The following UBAP2 variants were observed in gnomAD, a reference collection of about 807,000 sequenced individuals.
The protein encoded by UBAP2 is ubiquitin-associated protein 2.
UBAP2 carries 75 observed loss-of-function variants against 139.6 expected under a neutral mutation model. The observed-to-expected ratio is 0.54, with a 90% CI of 0.45 to 0.65. The LOEUF (loss-of-function observed/expected upper bound fraction) is 0.65. UBAP2 is among the 30% of genes least tolerant of loss of function. The probability of loss-of-function intolerance (pLI) is 0.00; values close to 1 mark genes in which losing one functional copy is unlikely to be tolerated. For missense variants in UBAP2, 1,368 were observed against 1,369.6 expected, an observed-to-expected ratio of 1.00 and a Z score of 0.02; for synonymous variants, 526 against 526.2, an observed-to-expected ratio of 1.00 and a Z score of 0.01.
At chr9:34,027,861 CAA>C (rs57271542) in intron 1 of UBAP2, among the ~76,000 whole-genome samples, 148 of 129,686 alleles carry the variant, frequency 1.1e-3, no homozygotes, top group Admixed American at 1.1e-3. Flanking sequence ...GACTCCATCT[CAA>C]AAAAAAAAAA....
intron 1 of UBAP2, among the ~76,000 whole-genome samples, chr9:34,042,740 G>A (rs1391256587): frequency 6.6e-6 from 1 of 152,010 alleles, no homozygotes; most frequent in Non-Finnish European, 1.5e-5. Context: ...CCAGGTAGCA[G>A]TAATGTCCTA....
chr9:33,938,795 CA>C (rs10577457), intron 16 of UBAP2: 103,693 of 306,720 alleles, frequency 0.34, 7,164 homozygotes, highest in East Asian at 0.42. Context: ...GACTCCATCT[CA>C]AAAAAAAAAA....
At chr9:34,020,154 A>ATT (rs1824796779) in intron 1 of UBAP2, among the ~76,000 whole-genome samples, 10 of 150,940 alleles carry the variant, frequency 6.6e-5, no homozygotes, top group Non-Finnish European at 8.9e-5. Flanking sequence ...CATTATTAAA[A>ATT]AAAAAAAAAA....
At chr9:34,038,747 G>A (rs1350946728) in intron 1 of UBAP2, among the ~76,000 whole-genome samples, 10 of 148,074 alleles carry the variant, frequency 6.8e-5, no homozygotes, top group Admixed American at 2.7e-4. Flanking sequence ...GCCGCCCATC[G>A]TCTGGGATGT....
At chr9:33,992,293 C>A (rs1196367372) in intron 4 of UBAP2, among the ~76,000 whole-genome samples, 1 of 147,056 alleles carries the variant, frequency 6.8e-6, no homozygotes, top group East Asian at 2.0e-4. Context: ...GAGGCTGAGG[C>A]GGAAGAATCG....
At chr9:33,994,040 G>C (rs1049274933) in intron 4 of UBAP2, among the ~76,000 whole-genome samples, 2 of 151,874 alleles carry the variant, frequency 1.3e-5, no homozygotes, top group Non-Finnish European at 2.9e-5. Context: ...GATTGCAGGC[G>C]CCCACCACCA....
chr9:33,964,047 C>T (rs1435402670), intron 8 of UBAP2, among the ~76,000 whole-genome samples: 1 of 152,212 alleles, frequency 6.6e-6, no homozygotes, highest in African/African-American at 2.4e-5. Context: ...CCTTCTCACT[C>T]ATCAAAGAGA....
intron 12 of UBAP2, among the ~76,000 whole-genome samples, chr9:33,951,157 GA>G (rs146709448): frequency 0.12 from 17,853 of 151,862 alleles, 1,529 homozygotes; most frequent in East Asian, 0.46. Flanking sequence ...CAGTAGCTAT[GA>G]TTACAGGGCA....
chr9:33,946,936 T>G (rs1825696169), intron 13 of UBAP2, among the ~76,000 whole-genome samples: 1 of 152,176 alleles, frequency 6.6e-6, no homozygotes, highest in South Asian at 2.1e-4. Context: ...GGCTAATGTC[T>G]GAGAATTTGG....
At chr9:34,040,625 C>T (rs1046043249) in intron 1 of UBAP2, among the ~76,000 whole-genome samples, 2 of 152,110 alleles carry the variant, frequency 1.3e-5, no homozygotes, top group Non-Finnish European at 2.9e-5. Flanking sequence ...AAAGCAAAAT[C>T]CAGCTATGTG....
Position 34,048,856 on chromosome 9 carries a change from T to TGCCGCCGCC in UBAP2, c.-82_-74dup, listed in dbSNP as rs753833083. The TGCCGCCGCC allele has an allele frequency of 6.6e-6, 1 of 152,202 alleles. No individual in the cohort carries two copies. The highest frequency in any genetic ancestry group is 1.5e-5 in the Non-Finnish European group (1 of 68,170). The allele number at this position is 152,202 out of a possible 1,614,324, so 9.4% of individuals were successfully genotyped here. On this transcript the variant is annotated 5_prime_UTR_variant, in exon 1 of 29. Transcript: ENST00000379238. Reference sequence around the variant, plus strand: ...TGCTCTCGGAGGACCCAAGACCCGCTGCCGCCGCCGCCGCTCGTTACCTGC... The same window carrying TGCCGCCGCC: ...TGCTCTCGGAGGACCCAAGACCCGCTGCCGCCGCCGCCGCCGCCGCCGCTCGTTACCTGC...
chr9:34,038,708 G>A (rs1485991460), intron 1 of UBAP2, among the ~76,000 whole-genome samples: 5 of 152,030 alleles, frequency 3.3e-5, no homozygotes, highest in East Asian at 1.9e-4. Flanking sequence ...CCGCCACCCC[G>A]TCTGGGAAGT....
In UBAP2 at chr9:33,922,745, G is replaced by A. The variant is rs1271234528; in HGVS notation, c.3206C>T (p.Pro1069Leu). The change falls in exon 28 of 29, where the codon CCA (proline) becomes CTA (leucine). Residue 1069 changes from proline (P) to leucine (L), a missense_variant. Pro to Leu is a moderately conservative substitution (Grantham distance 98). Coordinates refer to ENST00000379238, the MANE Select transcript of UBAP2 (RefSeq NM_001370062.2). ...CTGTGAGTGGGGCTGCTGGTGGGCT[G>A]GCAAGATGTGTAGGAATGGTGGGGG... Reference protein sequence around the residue: ...YAPPPFLHILPAHQQPHSQLL... With the variant: ...YAPPPFLHILLAHQQPHSQLL... 2 of 1,554,890 alleles carry A rather than the reference G, an allele frequency of 1.3e-6. No individual in the cohort carries two copies. The highest frequency in any genetic ancestry group is 1.7e-6 in the Non-Finnish European group (2 of 1,151,288).
At chr9:34,020,747 C>T (rs1824870772) in intron 1 of UBAP2, among the ~76,000 whole-genome samples, 1 of 151,702 alleles carries the variant, frequency 6.6e-6, no homozygotes, top group African/African-American at 2.4e-5. Flanking sequence ...GCAAGCTCTG[C>T]TTCCTGGGTT....
rs1169930442 is a variant in UBAP2 at position 33,923,032 on chromosome 9, T to C, written c.3006A>G (p.Gly1002=). The C allele has an allele frequency of 1.2e-6, 2 of 1,613,858 alleles. No individual in the cohort carries two copies. The highest frequency in any genetic ancestry group is 1.7e-6 in the Non-Finnish European group (2 of 1,179,970). Residue 1002 remains glycine (G), a splice_region_variant and synonymous_variant, in exon 27 of 29, where the codon GGA becomes GGG. Transcript: ENST00000379238. Reference sequence around the variant, plus strand: ...CAGTGGTGCTTGAAGACACTGATACTCCTAGGAGGAAAAGCAGTTGTTCCC... The same window carrying C: ...CAGTGGTGCTTGAAGACACTGATACCCCTAGGAGGAAAAGCAGTTGTTCCC... ...NKSAGSGPGK[G]VSVSSSTTGL...
Position 33,941,823 on chromosome 9 carries a change from T to A in UBAP2, c.1755A>T (p.Val585=), listed in dbSNP as rs866422419. The change falls in exon 16 of 29, where the codon GTA becomes GTT. Residue 585 remains valine (V), a synonymous_variant. Coordinates refer to ENST00000379238, the MANE Select transcript of UBAP2 (RefSeq NM_001370062.2). ...LNTSLSMTSA[V]QNSTYTTSVI... is the part of the protein sequence containing the mutation. ...CGGAAGTTGTATATGTGGAGTTCTGTACTGCACTGGTCATTGATAAAGATG... is the reference window on the plus strand; with the variant it reads ...CGGAAGTTGTATATGTGGAGTTCTGAACTGCACTGGTCATTGATAAAGATG... The A allele has an allele frequency of 1.2e-6, 2 of 1,613,966 alleles. No homozygotes were observed. Among genetic ancestry groups the A allele is most frequent in the African/African-American group, 1.3e-5 (1 of 74,994 alleles).
intron 10 of UBAP2, among the ~76,000 whole-genome samples, chr9:33,956,930 GAA>G (rs11285793): frequency 8.8e-5 from 13 of 147,892 alleles, no homozygotes; most frequent in East Asian, 2.0e-4. Context: ...TCATCTCTAG[GAA>G]AAAAAAAAAA....
chr9:33,922,790 C>A lies in UBAP2; in HGVS notation c.3161G>T (p.Gly1054Val). 2 of 1,561,450 alleles carry A rather than the reference C, an allele frequency of 1.3e-6. No individual in the cohort carries two copies. The highest frequency in any genetic ancestry group is 1.7e-6 in the Non-Finnish European group (2 of 1,153,494). ...TGGGGGTGCATAGCCAGGGGCCGCTCCCGAGGCCAGGGGCCCAGTGGAGCC... is the reference window on the plus strand; with the variant it reads ...TGGGGGTGCATAGCCAGGGGCCGCTACCGAGGCCAGGGGCCCAGTGGAGCC... The part of the protein sequence containing the change: ...VLGSTGPLAS[G>V]AAPGYAPPPF... Residue 1054 changes from glycine to valine, a missense_variant, in exon 28 of 29, where the codon GGA becomes GTA. Gly to Val is a moderately radical substitution (Grantham distance 109). Coordinates refer to ENST00000379238, the MANE Select transcript of UBAP2 (RefSeq NM_001370062.2).
intron 1 of UBAP2, among the ~76,000 whole-genome samples, chr9:34,023,649 A>G (rs1204257928): frequency 6.6e-6 from 1 of 152,222 alleles, no homozygotes; most frequent in Non-Finnish European, 1.5e-5. Flanking sequence ...TAAAAACTAC[A>G]TGGCTTACTT....
Sources: allele counts gnomAD v4.1 joint callset (sites outside exome capture counted in the v4.1 genomes callset), GRCh38; gene constraint gnomAD v4.1.1; transcripts MANE v1.5; gene names NCBI Gene and HGNC (gene_info 2026-07-23, HGNC 2026-07-21).